The following CACNA1D variants were observed in gnomAD, a reference collection of about 807,000 sequenced individuals.
The protein encoded by CACNA1D is voltage-dependent L-type calcium channel subunit alpha-1D.
In CACNA1D, 55 loss-of-function variants were observed where a neutral mutation model predicts 257.1. That is an observed-to-expected ratio of 0.21 (90% confidence interval 0.17 to 0.27). The LOEUF (loss-of-function observed/expected upper bound fraction) is 0.27, where lower values mean the gene tolerates loss of function less well. Ranked by LOEUF, CACNA1D falls within the 10% of genes least tolerant of loss-of-function variation. The probability of loss-of-function intolerance (pLI) is 1.00; values close to 1 mark genes in which losing one functional copy is unlikely to be tolerated. For synonymous variants in CACNA1D, 980 were observed against 1,014.9 expected (o/e 0.97, Z 0.65); for missense variants, 1,876 against 2,784.0 (o/e 0.67, Z 7.34).
rs111566041 is a variant in CACNA1D, at chr3:53,775,676, TA to T, written c.4203-207del. Among the ~76,000 whole-genome samples, 1,877 of 152,338 alleles carry T rather than the reference TA, an allele frequency of 0.012. 45 individuals are homozygous for T. Among genetic ancestry groups the T allele is most frequent in the African/African-American group, 0.043 (1,778 of 41,568 alleles). On this transcript the variant is annotated intron_variant, in intron 34 of 47. Coordinates refer to ENST00000350061, the MANE Select transcript of CACNA1D (RefSeq NM_001128840.3). ...GCGCGCTTGCATCAGATGATGGCTG[TA>T]AATCCAAGGGAATTGCAGCAGGACC...
intron 16 of CACNA1D, among the ~76,000 whole-genome samples, chr3:53,730,792 A>G (rs550659398): frequency 6.6e-6 from 1 of 152,372 alleles, no homozygotes; most frequent in Admixed American, 6.5e-5. Flanking sequence ...CCCCATGCTT[A>G]AAGAATCACT....
intron 3 of CACNA1D, among the ~76,000 whole-genome samples, chr3:53,581,838 G>T (rs1559873330): frequency 6.6e-6 from 1 of 152,206 alleles, no homozygotes; most frequent in Non-Finnish European, 1.5e-5. Flanking sequence ...GGTGCTTCTA[G>T]CAGAGAAGCT....
intron 3 of CACNA1D, among the ~76,000 whole-genome samples, chr3:53,530,585 G>A (rs1021160288): frequency 2.6e-5 from 4 of 152,194 alleles, no homozygotes; most frequent in Admixed American, 2.6e-4. Context: ...ACTGCTTGAA[G>A]CACCTGGTGA....
chr3:53,571,391 C>T (rs1165352494), intron 3 of CACNA1D, among the ~76,000 whole-genome samples: 3 of 152,256 alleles, frequency 2.0e-5, no homozygotes, highest in African/African-American at 7.2e-5. Flanking sequence ...AATACTTAGA[C>T]TGTGCCTTGT....
At chr3:53,647,106 G>A (rs575303993) in intron 3 of CACNA1D, among the ~76,000 whole-genome samples, 2 of 151,872 alleles carry the variant, frequency 1.3e-5, no homozygotes, top group Non-Finnish European at 2.9e-5. Context: ...AGTGGCTTGA[G>A]TTCTCGTGGG....
Position 53,774,530 on chromosome 3 carries a change from G to T in CACNA1D, c.4111-57G>T. Reference sequence around the variant, plus strand: ...CTGAGTTAGTTCTAAATTCACATACGGATTTTTTTTGCATGACGAAATCTA... The same window carrying T: ...CTGAGTTAGTTCTAAATTCACATACTGATTTTTTTTGCATGACGAAATCTA... On this transcript the variant is annotated intron_variant, in intron 33 of 47. Transcript: ENST00000350061. This position sits in a 1 kb window ranked among gnomAD's most constrained non-coding sequence, Gnocchi z 4.3. The T allele has an allele frequency of 9.6e-7, 1 of 1,046,396 alleles. No individual in the cohort carries two copies. Among genetic ancestry groups the T allele is most frequent in the South Asian group, 1.3e-5 (1 of 79,628 alleles). The allele number at this position is 1,046,396 out of a possible 1,614,324, so 64.8% of individuals were successfully genotyped here.
intron 30 of CACNA1D, among the ~76,000 whole-genome samples, chr3:53,763,970 A>T (rs149380947): frequency 5.8e-4 from 89 of 152,332 alleles, no homozygotes; most frequent in African/African-American, 2.1e-3. Context: ...CAAGTTTTGT[A>T]TTATTCTAAG....
At position 53,751,973 on chromosome 3, in the gene CACNA1D, T is replaced by A; in HGVS notation, c.3675+66T>A. 1 of 1,508,354 alleles carries A rather than the reference T, an allele frequency of 6.6e-7. No individual in the cohort carries two copies. The highest frequency in any genetic ancestry group is 1.1e-5 in the South Asian group (1 of 88,922). The allele number at this position is 1,508,354 out of a possible 1,614,324, so 93.4% of individuals were successfully genotyped here. On this transcript the variant is annotated intron_variant, in intron 28 of 47. Coordinates refer to ENST00000350061, the MANE Select transcript of CACNA1D (RefSeq NM_001128840.3). The surrounding 1 kb of genome is among the most constrained non-coding windows in gnomAD (Gnocchi z 4.3). ...CCGCACAGCCCCGTGCCCCAAATGC[T>A]GAGGGTGGAATGCTGCCCCTCACAG...
At position 53,751,328 on chromosome 3, in the gene CACNA1D, C is replaced by G. The variant is rs148439616; in HGVS notation, c.3517-421C>G. 6.6e-6 allele frequency among the ~76,000 whole-genome samples: 1 copy of G among 152,212 alleles called. No homozygotes were observed. The highest frequency in any genetic ancestry group is 2.4e-5 in the African/African-American group (1 of 41,448). ...CTCCTTTCCTGGAGGACAGCACAGG[C>G]AGGGGAACTATAGGTGTGATCCACC... On this transcript the variant is annotated intron_variant, in intron 27 of 47. Transcript: ENST00000350061. The surrounding 1 kb of genome is among the most constrained non-coding windows in gnomAD (Gnocchi z 4.3).
chr3:53,773,350 C>CCTG, intron 33 of CACNA1D: 1 of 241,598 alleles, frequency 4.1e-6, no homozygotes. Flanking sequence ...TGAAACTGGG[C>CCTG]TCTTCTGTGA....
chr3:53,801,481 T>C, intron 42 of CACNA1D, 56 bp downstream of exon 42: 1 of 1,605,832 alleles, frequency 6.2e-7, no homozygotes, highest in South Asian at 1.1e-5. Context: ...GTGTTGCGTC[T>C]AGTCCCAAGG....
At chr3:53,779,714 T>C (rs2095416205) in intron 37 of CACNA1D, among the ~76,000 whole-genome samples, 1 of 152,112 alleles carries the variant, frequency 6.6e-6, no homozygotes, top group Non-Finnish European at 1.5e-5. Context: ...ATCAACAGAA[T>C]GAGGCCCACC....
At chr3:53,567,997 C>T (rs151120243) in intron 3 of CACNA1D, among the ~76,000 whole-genome samples, 132 of 152,270 alleles carry the variant, frequency 8.7e-4, no homozygotes, top group African/African-American at 2.5e-3. Flanking sequence ...CCTTGCCTCA[C>T]GACTCTAAAT....
chr3:53,553,336 C>T (rs1229070134), intron 3 of CACNA1D, among the ~76,000 whole-genome samples: 3 of 152,134 alleles, frequency 2.0e-5, no homozygotes, highest in Non-Finnish European at 4.4e-5. Context: ...CTGTTGCTGC[C>T]GCTGCCCGTC....
chr3:53,530,078 AGTTT>A (rs1165262569), intron 3 of CACNA1D, among the ~76,000 whole-genome samples: 9 of 152,312 alleles, frequency 5.9e-5, no homozygotes, highest in African/African-American at 1.9e-4. Context: ...ATACTGCTGT[AGTTT>A]GTTCTTGCAA....
At chr3:53,635,033 C>T (rs1005359972) in intron 3 of CACNA1D, among the ~76,000 whole-genome samples, 5 of 152,222 alleles carry the variant, frequency 3.3e-5, no homozygotes, top group African/African-American at 1.2e-4. Flanking sequence ...AAAATTACAG[C>T]CTCGGGCTCT....
intron 43 of CACNA1D, 34 bp downstream of exon 43, chr3:53,802,207 C>T: frequency 6.5e-7 from 1 of 1,536,338 alleles, no homozygotes; most frequent in Non-Finnish European, 9.0e-7. Context: ...GTGTTAAATA[C>T]TGTGATGGTA....
intron 3 of CACNA1D, among the ~76,000 whole-genome samples, chr3:53,544,832 C>T (rs969313073): frequency 1.3e-5 from 2 of 152,166 alleles, no homozygotes; most frequent in South Asian, 4.1e-4. Context: ...TACTCTCAAG[C>T]GCTGTCACCT....
chr3:53,708,006 G>A (rs2094709695), intron 9 of CACNA1D, among the ~76,000 whole-genome samples: 1 of 152,190 alleles, frequency 6.6e-6, no homozygotes, highest in African/African-American at 2.4e-5. Context: ...TTCTTCAGTG[G>A]TCCTGGAGGC....
Sources: allele counts gnomAD v4.1 joint callset (sites outside exome capture counted in the v4.1 genomes callset), GRCh38; gene constraint gnomAD v4.1.1; non-coding constraint Gnocchi (gnomAD v3.1); transcripts MANE v1.5; gene names NCBI Gene and HGNC (gene_info 2026-07-23, HGNC 2026-07-21).